ALS2: variants seen among roughly 807,000 people sequenced by gnomAD.
ALS2 encodes alsin Rho guanine nucleotide exchange factor ALS2, also known as alsin.
In ALS2, 117 loss-of-function variants were observed where a neutral mutation model predicts 203.4. The ratio of observed to expected loss-of-function variants is 0.58; its 90% CI spans 0.50 to 0.67. ALS2 has a LOEUF of 0.67. Among genes scored for constraint, ALS2 ranks in the 30% least tolerant of loss-of-function variants. The pLI is 0.00. For missense variants in ALS2, 1,715 were observed against 1,989.4 expected, an observed-to-expected ratio of 0.86 and a Z score of 2.62; for synonymous variants, 718 against 725.9, an observed-to-expected ratio of 0.99 and a Z score of 0.17.
intron 12 of ALS2, among the ~76,000 whole-genome samples, chr2:201,735,394 G>A (rs2192762): frequency 0.64 from 96,732 of 152,026 alleles, 31,992 homozygotes; most frequent in Admixed American, 0.77. Context: ...TATCACATTA[G>A]GAAAAAAACT....
chr2:201,744,406 T>A lies in ALS2; in HGVS notation c.2022A>T (p.Thr674=). Residue 674 remains threonine, a synonymous_variant, in exon 10 of 34, where the codon ACA becomes ACT. Transcript: ENST00000264276. ...CSKLGYISRV[T]AGKDSYLALV... The stretch of plus-strand genomic sequence containing the variant: ...AGGCTAAATAGCTATCTTTTCCTGC[T>A]GTCACTCTGCTTATATATCCAAGCT... 6.2e-7 allele frequency: 1 copy of A among 1,614,114 alleles called. No individual in the cohort carries two copies. Among genetic ancestry groups the A allele is most frequent in the Non-Finnish European group, 8.5e-7 (1 of 1,180,018 alleles).
At chr2:201,779,669 C>T (rs10193416) in intron 1 of ALS2, among the ~76,000 whole-genome samples, 152,308 of 152,346 alleles carry the variant, frequency 1, 76,135 homozygotes, top group Middle Eastern at 1. Flanking sequence ...AACCATTACA[C>T]GTAAAGGTAC....
At position 201,757,697 on chromosome 2, in the gene ALS2, T is replaced by C. The variant is rs769148248; in HGVS notation, c.1176A>G (p.Leu392=). The C allele has an allele frequency of 1.9e-6, 3 of 1,613,888 alleles. No homozygotes were observed. Among genetic ancestry groups the C allele is most frequent in the South Asian group, 1.1e-5 (1 of 91,084 alleles). ...HSPPTTSTSA[L]NSLVVSCASA... ...ATGCACAAGAGACCACCAGGCTGTT[T>C]AGGGCTGAGGTGCTTGTGGTAGGCG... Residue 392 remains leucine, a synonymous_variant, in exon 5 of 34, where the codon CTA becomes CTG. Transcript: ENST00000264276.
intron 4 of ALS2, chr2:201,759,746 T>C: frequency 2.0e-6 from 2 of 985,196 alleles, no homozygotes; most frequent in African/African-American, 1.7e-5. Context: ...GTTCACATTC[T>C]GACAGAGTAA....
At chr2:201,758,770 G>A (rs569949646) in intron 4 of ALS2, among the ~76,000 whole-genome samples, 4 of 152,006 alleles carry the variant, frequency 2.6e-5, no homozygotes, top group African/African-American at 9.6e-5. Flanking sequence ...ATGTGTGTGT[G>A]TGTGTGTGTG....
chr2:201,727,749 C>G lies in ALS2; in HGVS notation c.2868G>C (p.Leu956=). Residue 956 remains leucine, a synonymous_variant, in exon 16 of 34, where the codon CTG becomes CTC. Coordinates refer to ENST00000264276, the MANE Select transcript of ALS2 (RefSeq NM_020919.4). ...AQFSTHHVFP[L]ATLWAEPLSE... ...ACAGTGGCTCTGCCCACAGCGTGGCCAGAGGGAAAACATGGTGCGTGGAGA... is the reference window on the plus strand; with the variant it reads ...ACAGTGGCTCTGCCCACAGCGTGGCGAGAGGGAAAACATGGTGCGTGGAGA... 6.4e-7 allele frequency: 1 copy of G among 1,551,652 alleles called. No homozygotes were observed.
intron 1 of ALS2, among the ~76,000 whole-genome samples, chr2:201,775,000 C>T (rs1380933042): frequency 1.3e-5 from 2 of 152,192 alleles, no homozygotes; most frequent in Non-Finnish European, 2.9e-5. Context: ...AGCTAATTTA[C>T]ACTAGCAAAA....
At chr2:201,743,530 G>T (rs184121666) in intron 10 of ALS2, among the ~76,000 whole-genome samples, 91 of 152,170 alleles carry the variant, frequency 6.0e-4, no homozygotes, top group Non-Finnish European at 1.1e-3. Context: ...TGTCACCCAG[G>T]CTGGACTGCA....
intron 13 of ALS2, among the ~76,000 whole-genome samples, chr2:201,731,370 C>A (rs1348340959): frequency 6.6e-6 from 1 of 152,074 alleles, no homozygotes; most frequent in African/African-American, 2.4e-5. Context: ...GTTAAGAGGA[C>A]AGATTCTGGA....
chr2:201,761,585 C>A lies in ALS2; in HGVS notation c.409G>T (p.Val137Phe). The A allele has an allele frequency of 6.2e-7, 1 of 1,614,204 alleles. No individual in the cohort carries two copies. Among genetic ancestry groups the A allele is most frequent in the Non-Finnish European group, 8.5e-7 (1 of 1,180,032 alleles). Reference protein sequence around the residue: ...NQQYVPEPNPVSIADSEASPL... With the variant: ...NQQYVPEPNPFSIADSEASPL... ...CTGGCCTCAGAATCAGCAATGCTGA[C>A]AGGATTTGGTTCCGGCACATACTGC... The change falls in exon 4 of 34, where the codon GTC (valine) becomes TTC (phenylalanine). Residue 137 changes from valine (V) to phenylalanine (F), a missense_variant. By Grantham distance (50) the Val-to-Phe change is conservative (BLOSUM62 -1). Around this residue, in one of 3 missense-constraint regions of ALS2, gnomAD observed 476 missense variants for 539.3 expected, o/e 0.88. Coordinates refer to ENST00000264276, the MANE Select transcript of ALS2 (RefSeq NM_020919.4).
chr2:201,714,372 T>C (rs1212775619), intron 25 of ALS2, among the ~76,000 whole-genome samples: 1 of 152,216 alleles, frequency 6.6e-6, no homozygotes, highest in Non-Finnish European at 1.5e-5. Flanking sequence ...CTAGTGGGCT[T>C]CCCTGGGCAG....
intron 31 of ALS2, 68 bp downstream of exon 31, chr2:201,705,071 A>G (rs1689620190): frequency 1.4e-6 from 2 of 1,452,638 alleles, no homozygotes; most frequent in Non-Finnish European, 1.9e-6. Context: ...ATAAGATCAT[A>G]TTAATAATAT....
At chr2:201,711,736 C>G (rs1230648376) in intron 25 of ALS2, among the ~76,000 whole-genome samples, 1 of 152,068 alleles carries the variant, frequency 6.6e-6, no homozygotes, top group African/African-American at 2.4e-5. Context: ...TAGATGACAA[C>G]CAATGAGAAA....
Position 201,727,236 on chromosome 2 carries a change from G to A in ALS2, c.2955C>T (p.Leu985=). The A allele has an allele frequency of 4.3e-6, 7 of 1,613,454 alleles. No homozygotes were observed. Among genetic ancestry groups the A allele is most frequent in the Non-Finnish European group, 5.9e-6 (7 of 1,179,620 alleles). Residue 985 remains leucine, a synonymous_variant, in exon 17 of 34, where the codon CTC becomes CTT. Transcript: ENST00000264276. The part of the protein sequence containing the change: ...KITTPEEQFT[L]ISSTPQEKTK... ...CCTTTTCCTGGGGTGTAGATGAAAT[G>A]AGAGTGAACTGCTCCTCAGGTGTAG... is the stretch of plus-strand genomic sequence containing the variant.
intron 17 of ALS2, 103 bp downstream of exon 17, chr2:201,727,108 GT>G: frequency 1.8e-6 from 2 of 1,121,396 alleles, no homozygotes; most frequent in Non-Finnish European, 1.4e-6. Flanking sequence ...AGACAGAACT[GT>G]GCATCATTAG....
At chr2:201,712,796 G>C (rs1266727501) in intron 25 of ALS2, among the ~76,000 whole-genome samples, 2 of 151,522 alleles carry the variant, frequency 1.3e-5, no homozygotes, top group Non-Finnish European at 2.9e-5. Flanking sequence ...ATTTTAAAAA[G>C]GAGAAAAAGA....
intron 6 of ALS2, 42 bp from the exon 7 acceptor site, chr2:201,753,284 C>A (rs1336035872): frequency 6.6e-7 from 1 of 1,504,984 alleles, no homozygotes; most frequent in East Asian, 2.3e-5. Flanking sequence ...AAAGTATTCT[C>A]AGCAAGAATC....
rs1001846413 is a variant in ALS2 at position 201,727,199 on chromosome 2, A to C, written c.2979+13T>G. 1 of 1,605,812 alleles carries C rather than the reference A, an allele frequency of 6.2e-7. No individual in the cohort carries two copies. Among genetic ancestry groups the C allele is most frequent in the African/African-American group, 1.3e-5 (1 of 74,716 alleles). On this transcript the variant is annotated intron_variant, in intron 17 of 33. Transcript: ENST00000264276. ...AGGGCGAAGATTGAAGGAAAATACC[A>C]TAATAGACTAACCTTTTCCTGGGGT...
chr2:201,778,968 AAGTC>A (rs1414073337), intron 1 of ALS2, among the ~76,000 whole-genome samples: 3 of 152,200 alleles, frequency 2.0e-5, no homozygotes, highest in Admixed American at 2.0e-4. Flanking sequence ...AGATTTTTAC[AAGTC>A]AGTCACATTT....
Sources: allele counts gnomAD v4.1 joint callset (sites outside exome capture counted in the v4.1 genomes callset), GRCh38; gene constraint gnomAD v4.1.1; regional missense constraint gnomAD v4.1.1; transcripts MANE v1.5; gene names NCBI Gene and HGNC (gene_info 2026-07-23, HGNC 2026-07-21).